The following EHD4 variants were observed in gnomAD, a reference collection of about 807,000 sequenced individuals.
The protein encoded by EHD4 is EH domain containing 4.
In EHD4, 37 loss-of-function variants were observed where a neutral mutation model predicts 51.0. The observed-to-expected ratio is 0.73, with a 90% CI of 0.56 to 0.95. EHD4 has a LOEUF of 0.95. EHD4 is among the 40% of genes least tolerant of loss of function. EHD4 has a pLI of 0.00. For missense variants in EHD4, 632 were observed against 733.1 expected, an observed-to-expected ratio of 0.86 and a Z score of 1.59; for synonymous variants, 297 against 317.3, an observed-to-expected ratio of 0.94 and a Z score of 0.68.
At chr15:41,914,323 A>G (rs1366328016) in intron 4 of EHD4, among the ~76,000 whole-genome samples, 1 of 151,610 alleles carries the variant, frequency 6.6e-6, no homozygotes, top group Non-Finnish European at 1.5e-5. Context: ...TGCATAGAGT[A>G]TTTAAAGCCA....
At chr15:41,943,562 T>C (rs1012874935) in intron 2 of EHD4, among the ~76,000 whole-genome samples, 1 of 152,204 alleles carries the variant, frequency 6.6e-6, no homozygotes, top group Non-Finnish European at 1.5e-5. Flanking sequence ...TAAGAGAGGT[T>C]AAGTAATGCT....
In EHD4 at chr15:41,919,246, C is replaced by A; in HGVS notation, c.888G>T (p.Lys296Asn). ...TCGCTCGCTTGATGAGGTCGTTGAG[C>A]TTGCGCACCGCTGCCTTCTGGGGGA... Reference protein sequence around the residue: ...QSLPQKAAVRKLNDLIKRARL... With the variant: ...QSLPQKAAVRNLNDLIKRARL... The change falls in exon 4 of 6, where the codon AAG (lysine) becomes AAT (asparagine). Residue 296 changes from lysine (K) to asparagine (N), a missense_variant. Lys to Asn is a moderately conservative substitution (Grantham distance 94). Coordinates refer to ENST00000220325, the MANE Select transcript of EHD4 (RefSeq NM_139265.4). 1 of 1,614,120 alleles carries A rather than the reference C, an allele frequency of 6.2e-7. No homozygotes were observed. Among genetic ancestry groups the A allele is most frequent in the Admixed American group, 1.7e-5 (1 of 60,034 alleles).
At chr15:41,956,939 G>C (rs2067891915) in intron 1 of EHD4, among the ~76,000 whole-genome samples, 1 of 152,106 alleles carries the variant, frequency 6.6e-6, no homozygotes, top group Non-Finnish European at 1.5e-5. Flanking sequence ...TGCTGGCAAG[G>C]GTCCTGTGAG....
chr15:41,972,413 G>T lies in EHD4; in HGVS notation c.82C>A (p.Leu28Met). Residue 28 changes from leucine (L) to methionine (M), a missense_variant, in exon 1 of 6, where the codon CTG becomes ATG. Physicochemically the swap from Leu to Met is conservative, Grantham distance 15. Transcript: ENST00000220325. ...ADAVQTVTGG[L>M]RSLYLRKVLP... ...ACCTTGCGCAGGTAGAGCGAGCGCA[G>T]CCCGCCCGTCACCGTCTGCACCGCG... is the stretch of plus-strand genomic sequence containing the variant. 6.2e-7 allele frequency: 1 copy of T among 1,608,872 alleles called. No homozygotes were observed. The highest frequency in any genetic ancestry group is 8.5e-7 in the Non-Finnish European group (1 of 1,178,274).
intron 1 of EHD4, among the ~76,000 whole-genome samples, chr15:41,966,358 C>G (rs991504784): frequency 1.3e-5 from 2 of 152,188 alleles, no homozygotes; most frequent in Non-Finnish European, 2.9e-5. Context: ...ACCTCTCTCC[C>G]TGGCTTTTGT....
intron 5 of EHD4, among the ~76,000 whole-genome samples, chr15:41,906,580 G>C (rs140044072): frequency 7.6e-4 from 116 of 152,352 alleles, no homozygotes; most frequent in African/African-American, 2.7e-3. Context: ...CAGGGTAGCC[G>C]TGCCACTCAA....
chr15:41,955,393 T>C (rs565414590), intron 1 of EHD4, among the ~76,000 whole-genome samples: 16 of 152,220 alleles, frequency 1.1e-4, no homozygotes, highest in African/African-American at 3.6e-4. Flanking sequence ...AGTGGTTTGC[T>C]CAGGGGTGAA....
intron 3 of EHD4, among the ~76,000 whole-genome samples, chr15:41,934,732 G>A (rs571154185): frequency 6.6e-6 from 1 of 152,302 alleles, no homozygotes; most frequent in South Asian, 2.1e-4. Flanking sequence ...GGGGCAGCAG[G>A]GAAAGGCTGG....
chr15:41,939,238 A>G (rs1352259430), intron 3 of EHD4, among the ~76,000 whole-genome samples: 3 of 152,252 alleles, frequency 2.0e-5, no homozygotes, highest in African/African-American at 7.2e-5. Flanking sequence ...GAAATCAAGA[A>G]AAGTTTGTAG....
chr15:41,917,096 C>CTTAT (rs56087855), intron 4 of EHD4, among the ~76,000 whole-genome samples: 36,487 of 141,544 alleles, frequency 0.26, 4,772 homozygotes, highest in Non-Finnish European at 0.27. Flanking sequence ...CTTTCTGCTC[C>CTTAT]TTATTTATTT....
intron 3 of EHD4, among the ~76,000 whole-genome samples, chr15:41,939,019 G>T (rs190450543): frequency 1.3e-5 from 2 of 152,198 alleles, no homozygotes; most frequent in Non-Finnish European, 2.9e-5. Context: ...AGCATGATAA[G>T]AGGTCGAGTG....
intron 3 of EHD4, among the ~76,000 whole-genome samples, chr15:41,919,882 C>G (rs949632996): frequency 6.6e-6 from 1 of 152,206 alleles, no homozygotes; most frequent in Non-Finnish European, 1.5e-5. Context: ...ACTTTCATAT[C>G]TGCGATTTCA....
intron 2 of EHD4, among the ~76,000 whole-genome samples, chr15:41,950,616 T>C (rs1431240119): frequency 2.0e-5 from 3 of 152,222 alleles, no homozygotes; most frequent in Non-Finnish European, 2.9e-5. Context: ...AGTGGCACTG[T>C]CCTGTGGATA....
rs549569556 is a variant in EHD4 at position 41,909,922 on chromosome 15, A to G, written c.925-59T>C. 3.8e-6 allele frequency: 6 copies of G among 1,598,908 alleles called. No homozygotes were observed. The African/African-American group carries it at 5.4e-5, about 14-fold the overall frequency. The stretch of plus-strand genomic sequence containing the variant: ...TTTAGAATTGCATCAGAGAAGGAAC[A>G]AACAAGATTGCATCTTAACTCCATC... On this transcript the variant is annotated intron_variant, in intron 4 of 5. Transcript: ENST00000220325.
At chr15:41,956,261 ACCTTGGGTGGCTCGCGGCAACACGGC>A (rs1038402151) in intron 1 of EHD4, among the ~76,000 whole-genome samples, 1 of 152,066 alleles carries the variant, frequency 6.6e-6, no homozygotes, top group Non-Finnish European at 1.5e-5. Flanking sequence ...GTGGAGCTCC[ACCTTGGGTGGCTCGCGGCAACACGGC>A]CCCTTCTCGG....
At chr15:41,932,110 G>A (rs986384417) in intron 3 of EHD4, among the ~76,000 whole-genome samples, 34 of 152,086 alleles carry the variant, frequency 2.2e-4, no homozygotes, top group Non-Finnish European at 7.4e-5. Context: ...TGTTTGTAAC[G>A]GCAAAAGATT....
chr15:41,930,184 G>A (rs2067689112), intron 3 of EHD4, among the ~76,000 whole-genome samples: 1 of 152,158 alleles, frequency 6.6e-6, no homozygotes, highest in Admixed American at 6.5e-5. Flanking sequence ...TGCTTAAGAA[G>A]TCACCCCATC....
intron 3 of EHD4, among the ~76,000 whole-genome samples, chr15:41,938,654 CT>C (rs2067747282): frequency 6.6e-6 from 1 of 152,166 alleles, no homozygotes; most frequent in Non-Finnish European, 1.5e-5. Flanking sequence ...TTAGATAGAG[CT>C]TTTTCCTTCT....
intron 3 of EHD4, chr15:41,921,637 C>G (rs774198727): frequency 6.6e-6 from 1 of 152,312 alleles, no homozygotes; most frequent in Non-Finnish European, 1.5e-5. Flanking sequence ...GATTGATTCA[C>G]CATGCTGACC....
Sources: allele counts gnomAD v4.1 joint callset (sites outside exome capture counted in the v4.1 genomes callset), GRCh38; gene constraint gnomAD v4.1.1; transcripts MANE v1.5; gene names NCBI Gene and HGNC (gene_info 2026-07-23, HGNC 2026-07-21).